Variants in EMB observed in about 807,000 individuals in gnomAD.
EMB encodes the protein embigin, also known as embigin homolog.
EMB carries 31 observed loss-of-function variants against 41.4 expected under a neutral mutation model. That is an observed-to-expected ratio of 0.75 (90% confidence interval 0.56 to 1.01). The LOEUF is 1.01. EMB is among the 50% of genes least tolerant of loss of function. The pLI is 0.00. For missense variants in EMB, 379 were observed against 388.3 expected (o/e 0.98, Z 0.20); for synonymous variants, 137 against 140.4 (o/e 0.98, Z 0.17).
At chr5:50,408,206 T>C (rs1446761926) in intron 4 of EMB, among the ~76,000 whole-genome samples, 3 of 151,828 alleles carry the variant, frequency 2.0e-5, no homozygotes, top group Non-Finnish European at 4.4e-5. Flanking sequence ...AAGTTCTTGT[T>C]CTTTACCAAT....
rs777257897 is a variant in EMB, at chr5:50,428,794, C to A, written c.113-567G>T. On this transcript the variant is annotated intron_variant, in intron 1 of 8. Coordinates refer to ENST00000303221, the MANE Select transcript of EMB (RefSeq NM_198449.3). ...TCAGTTTCCTCTGCCTCTGTCACTT[C>A]TCTCTCCTTTTGAAAACTTTAATTA... The A allele has an allele frequency of 5.3e-5, 51 of 961,660 alleles. 1 individual carries two copies. The highest frequency in any genetic ancestry group is 6.2e-5 in the Non-Finnish European group (50 of 808,428). The allele number at this position is 961,660 out of a possible 1,614,324, so 59.6% of individuals were successfully genotyped here.
chr5:50,426,204 G>T (rs1366434216), intron 2 of EMB, among the ~76,000 whole-genome samples: 2 of 152,202 alleles, frequency 1.3e-5, no homozygotes, highest in African/African-American at 4.8e-5. Flanking sequence ...GCACCAAGCT[G>T]CCTGCATTGA....
In EMB at chr5:50,418,665, G is replaced by A. The variant is rs1427733233; in HGVS notation, c.197-7282C>T. The stretch of plus-strand genomic sequence containing the variant: ...AACAATTTTACTAAAAATATATCAC[G>A]TGCCTTTATTCTAGGCCCTAGTATC... On this transcript the variant is annotated intron_variant, in intron 2 of 8. Coordinates refer to ENST00000303221, the MANE Select transcript of EMB (RefSeq NM_198449.3). 3.3e-5 allele frequency among the ~76,000 whole-genome samples: 5 copies of A among 152,008 alleles called. 1 individual carries two copies. The highest frequency in any genetic ancestry group is 4.1e-4 in the South Asian group (2 of 4,820).
rs571529609 is a variant in EMB, at chr5:50,425,417, C to G, written c.196+2727G>C. Among the ~76,000 whole-genome samples, 186 of 152,182 alleles carry G rather than the reference C, an allele frequency of 1.2e-3. 1 individual carries two copies. The highest frequency in any genetic ancestry group is 4.0e-3 in the African/African-American group (168 of 41,514). Reference sequence around the variant, plus strand: ...TTAACAAGTTGGTCAAGGAAACTGTCAGCTGTTTATTTTTATTTCAATCTC... The same window carrying G: ...TTAACAAGTTGGTCAAGGAAACTGTGAGCTGTTTATTTTTATTTCAATCTC... On this transcript the variant is annotated intron_variant, in intron 2 of 8. Transcript: ENST00000303221.
At chr5:50,423,130 A>G (rs1271287576) in intron 2 of EMB, among the ~76,000 whole-genome samples, 1 of 152,160 alleles carries the variant, frequency 6.6e-6, no homozygotes, top group Non-Finnish European at 1.5e-5. Context: ...ATTCATATGC[A>G]ATATGACTAG....
rs1314984870 is a variant in EMB at position 50,410,924 on chromosome 5, CAAG to C, written c.422_424del (p.Ser141del). On this transcript the variant is annotated inframe_deletion, in exon 4 of 9. Coordinates refer to ENST00000303221, the MANE Select transcript of EMB (RefSeq NM_198449.3). ...TTGTTCCTTTTCCTCTCGAAAGAAA[CAAG>C]AATAACTTCCCATTTGTTTGCTATT... 2 of 1,605,556 alleles carry C rather than the reference CAAG, an allele frequency of 1.2e-6. No individual in the cohort carries two copies. The highest frequency in any genetic ancestry group is 1.7e-6 in the Non-Finnish European group (2 of 1,176,836).
intron 1 of EMB, chr5:50,428,431 T>G (rs1302453714): frequency 8.3e-7 from 1 of 1,202,286 alleles, no homozygotes; most frequent in African/African-American, 1.6e-5. Flanking sequence ...TTTTTTCTTT[T>G]TTAACCTAAA....
rs1173205837 is a variant in EMB, at chr5:50,398,244, T to A, written c.*1029A>T. 6.6e-6 allele frequency: 1 copy of A among 151,888 alleles called. No homozygotes were observed. Among genetic ancestry groups the A allele is most frequent in the Non-Finnish European group, 1.5e-5 (1 of 67,956 alleles). 9.4% of individuals were successfully genotyped at this position (151,888 alleles called of 1,614,324 possible). ...TTATAAGATTTGATTACAGTGAGTT[T>A]ATAAAATATTTCAGTTATATATGCA... On this transcript the variant is annotated 3_prime_UTR_variant, in exon 9 of 9. Transcript: ENST00000303221.
chr5:50,407,228 C>G (rs1157906577), intron 4 of EMB, among the ~76,000 whole-genome samples: 2 of 151,900 alleles, frequency 1.3e-5, no homozygotes, highest in East Asian at 3.9e-4. Context: ...CCAAAATTTA[C>G]CCACAGGCTA....
At chr5:50,423,034 G>T (rs1745551242) in intron 2 of EMB, among the ~76,000 whole-genome samples, 1 of 151,082 alleles carries the variant, frequency 6.6e-6, no homozygotes, top group African/African-American at 2.4e-5. Flanking sequence ...AAATATATTA[G>T]CCAACTAGGG....
At chr5:50,432,601 C>G (rs1042449776) in intron 1 of EMB, among the ~76,000 whole-genome samples, 1 of 151,420 alleles carries the variant, frequency 6.6e-6, no homozygotes, top group Non-Finnish European at 1.5e-5. Flanking sequence ...TGATTATACA[C>G]AACACATGGA....
intron 4 of EMB, among the ~76,000 whole-genome samples, chr5:50,408,658 C>T (rs995464488): frequency 6.6e-6 from 1 of 151,962 alleles, no homozygotes; most frequent in Non-Finnish European, 1.5e-5. Flanking sequence ...ATAAAACAGT[C>T]TTTTCATCTA....
At chr5:50,437,407 C>CT (rs1247882853) in intron 1 of EMB, among the ~76,000 whole-genome samples, 4 of 152,208 alleles carry the variant, frequency 2.6e-5, no homozygotes, top group Non-Finnish European at 5.9e-5. Context: ...TAAAGTTACT[C>CT]TTTTTCCCTT....
chr5:50,423,745 G>T (rs893308266), intron 2 of EMB, among the ~76,000 whole-genome samples: 2 of 152,090 alleles, frequency 1.3e-5, no homozygotes, highest in Non-Finnish European at 2.9e-5. Flanking sequence ...TATAATGCAG[G>T]TAATGTAAAT....
At chr5:50,429,989 T>TCC (rs1429436802) in intron 1 of EMB, among the ~76,000 whole-genome samples, 11 of 121,818 alleles carry the variant, frequency 9.0e-5, no homozygotes, top group African/African-American at 3.3e-4. Context: ...TCTCTCTCTC[T>TCC]CTCTCTCTCT....
Position 50,405,827 on chromosome 5 carries a change from C to T in EMB, c.498G>A (p.Lys166=). 2 of 1,584,918 alleles carry T rather than the reference C, an allele frequency of 1.3e-6. No homozygotes were observed. Among genetic ancestry groups the T allele is most frequent in the Non-Finnish European group, 1.7e-6 (2 of 1,170,190 alleles). ...FKVPELHGKN[K]PLISYVGDST... ...AATCCCCTACGTAAGAGATCAATGGCTTGTTTTTCCCATGAAGTTCAGGGA... is the reference window on the plus strand; with the variant it reads ...AATCCCCTACGTAAGAGATCAATGGTTTGTTTTTCCCATGAAGTTCAGGGA... Residue 166 remains lysine, a synonymous_variant, in exon 5 of 9, where the codon AAG becomes AAA. Coordinates refer to ENST00000303221, the MANE Select transcript of EMB (RefSeq NM_198449.3).
chr5:50,411,354 T>C lies in EMB; in HGVS notation c.226A>G (p.Ile76Val), dbSNP rs755233039. ...ACATTAGAAGGCCTTTCTAAAGTGA[T>C]ATTTTTTTCTACTGGCATACTAGAA... ...EHSSMPVEKN[I>V]TLERPSNVNL... The change falls in exon 3 of 9, where the codon ATC (isoleucine) becomes GTC (valine). Residue 76 changes from isoleucine to valine, a missense_variant. By Grantham distance (29) the Ile-to-Val change is conservative. Coordinates refer to ENST00000303221, the MANE Select transcript of EMB (RefSeq NM_198449.3). 16 of 1,606,496 alleles carry C rather than the reference T, an allele frequency of 1.0e-5. No homozygotes were observed. The highest frequency in any genetic ancestry group is 3.4e-5 in the Admixed American group (2 of 59,164).
chr5:50,426,348 C>T (rs1373084754), intron 2 of EMB, among the ~76,000 whole-genome samples: 1 of 152,166 alleles, frequency 6.6e-6, no homozygotes, highest in Non-Finnish European at 1.5e-5. Context: ...AATTAAGTTA[C>T]TTAGAAATAC....
rs191598078 is a variant in EMB at position 50,415,305 on chromosome 5, T to C, written c.197-3922A>G. On this transcript the variant is annotated intron_variant, in intron 2 of 8. Transcript: ENST00000303221. Reference sequence around the variant, plus strand: ...CAAAGGACAACTTTGGTTGGAGCAATTTAAGCAAAACTCAAATTGTTTAAC... The same window carrying C: ...CAAAGGACAACTTTGGTTGGAGCAACTTAAGCAAAACTCAAATTGTTTAAC... 1.5e-4 allele frequency among the ~76,000 whole-genome samples: 23 copies of C among 152,228 alleles called. No individual in the cohort carries two copies. In the East Asian group the frequency reaches 4.3e-3, roughly 28 times the overall value.
Sources: allele counts gnomAD v4.1 joint callset (sites outside exome capture counted in the v4.1 genomes callset), GRCh38; gene constraint gnomAD v4.1.1; transcripts MANE v1.5; gene names NCBI Gene and HGNC (gene_info 2026-07-23, HGNC 2026-07-21).